MROH9: variants seen among roughly 807,000 people sequenced by gnomAD.
MROH9 encodes maestro heat like repeat family member 9, also known as maestro heat-like repeat-containing protein family member 9.
Under a neutral mutation model 98.2 loss-of-function variants are expected in MROH9, and 92 were observed. The ratio of observed to expected loss-of-function variants is 0.94; its 90% CI spans 0.79 to 1.11. MROH9 has a LOEUF of 1.11. Ranked by LOEUF, MROH9 falls within the 50% of genes most tolerant of loss-of-function variation. MROH9 has a pLI of 0.00. For missense variants in MROH9, 1,057 were observed against 1,014.8 expected, an observed-to-expected ratio of 1.04 and a Z score of -0.57; for synonymous variants, 397 against 368.9, an observed-to-expected ratio of 1.08 and a Z score of -0.87.
chr1:171,009,043 T>C (rs1652059743), intron 15 of MROH9, among the ~76,000 whole-genome samples: 1 of 149,916 alleles, frequency 6.7e-6, no homozygotes, highest in Non-Finnish European at 1.5e-5. Context: ...GATTTTAAAA[T>C]ATAAGGATTT....
In MROH9 at chr1:171,034,913, A is replaced by G. The variant is rs1169445997; in HGVS notation, c.2281+9493A>G. Among the ~76,000 whole-genome samples, 4 of 152,214 alleles carry G rather than the reference A, an allele frequency of 2.6e-5. No homozygotes were observed. The South Asian group carries it at 6.2e-4, about 24-fold the overall frequency. On this transcript the variant is annotated intron_variant, in intron 20 of 21. Transcript: ENST00000367759. ...AGATCCACACATATACCTAATATATATCAGAACTGGCAGTGTATATCAGAC... is the reference window on the plus strand; with the variant it reads ...AGATCCACACATATACCTAATATATGTCAGAACTGGCAGTGTATATCAGAC...
At chr1:170,957,223 G>A (rs573204741) in intron 3 of MROH9, among the ~76,000 whole-genome samples, 4 of 151,642 alleles carry the variant, frequency 2.6e-5, no homozygotes, top group East Asian at 1.9e-4. Flanking sequence ...TGCTTTTTAC[G>A]TCATATCCAA....
intron 11 of MROH9, among the ~76,000 whole-genome samples, chr1:170,991,708 TTTA>T (rs1297025933): frequency 1.1e-4 from 17 of 152,136 alleles, no homozygotes; most frequent in Non-Finnish European, 2.1e-4. Context: ...TGTTTTTATT[TTTA>T]TTATTTAATT....
intron 10 of MROH9, among the ~76,000 whole-genome samples, chr1:170,989,489 A>T (rs567580174): frequency 6.6e-6 from 1 of 152,318 alleles, no homozygotes; most frequent in Admixed American, 6.5e-5. Context: ...TGAAGTATAC[A>T]CTGTAGCTCC....
chr1:170,976,750 T>C (rs868713035), intron 8 of MROH9, among the ~76,000 whole-genome samples: 1 of 152,182 alleles, frequency 6.6e-6, no homozygotes. Context: ...AGAGGTTGTC[T>C]GTATTTCCTG....
chr1:171,063,704 C>A (rs1166002804), intron 21 of MROH9, among the ~76,000 whole-genome samples: 1 of 152,128 alleles, frequency 6.6e-6, no homozygotes, highest in Non-Finnish European at 1.5e-5. Flanking sequence ...TGTAGCATTT[C>A]ATTTTATGTT....
At chr1:171,055,340 G>A (rs1653801419) in intron 20 of MROH9, among the ~76,000 whole-genome samples, 1 of 152,038 alleles carries the variant, frequency 6.6e-6, no homozygotes, top group African/African-American at 2.4e-5. Context: ...ATGATACAAT[G>A]GGCCAGGTGC....
intron 6 of MROH9, among the ~76,000 whole-genome samples, chr1:170,963,019 G>A (rs370806160): frequency 6.3e-4 from 95 of 151,760 alleles, no homozygotes; most frequent in Non-Finnish European, 1.1e-3. Context: ...TCTGCCCAGC[G>A]AAAGAAACTA....
chr1:171,055,628 A>G lies in MROH9; in HGVS notation c.2282-6504A>G, dbSNP rs986529135. On this transcript the variant is annotated intron_variant, in intron 20 of 21. Coordinates refer to ENST00000367759, the MANE Select transcript of MROH9 (RefSeq NM_001163629.2). ...CAGTGTGAGACTTCATAAAAAAAAA[A>G]AAAAAAAAAAAAAGATACAGTGGAC... Among the ~76,000 whole-genome samples the G allele has an allele frequency of 5.4e-3, 812 of 151,500 alleles. 9 individuals carry two copies. Among genetic ancestry groups the G allele is most frequent in the African/African-American group, 0.019 (768 of 41,232 alleles).
Position 171,024,301 on chromosome 1 carries a change from GGGGTGTGTGTGT to G in MROH9, c.1909-92_1909-81del, listed in dbSNP as rs925018098. On this transcript the variant is annotated intron_variant, in intron 17 of 21. Transcript: ENST00000367759. ...ATATACATATATAGTATATTTATAT[GGGGTGTGTGTGT>G]GTGTGTGTGTGTGTGTGTAGATTAC... 3.6e-5 allele frequency: 26 copies of G among 718,660 alleles called. No homozygotes were observed. The African/African-American group carries it at 8.5e-4, about 24-fold the overall frequency. 44.5% of individuals were successfully genotyped at this position (718,660 alleles called of 1,614,324 possible).
chr1:171,009,050 A>AT (rs1423457487), intron 15 of MROH9, among the ~76,000 whole-genome samples: 4 of 150,240 alleles, frequency 2.7e-5, no homozygotes, highest in African/African-American at 9.7e-5. Context: ...AAATATAAGG[A>AT]TTTTTAAATA....
In MROH9 at chr1:170,993,111, C is replaced by T. The variant is rs375134419; in HGVS notation, c.1194+782C>T. ...CCTGAATATCGAAATTCCAAAATAT[C>T]AAAATCCCAAAAGTCTAAAATTTCT... On this transcript the variant is annotated intron_variant, in intron 12 of 21. Coordinates refer to ENST00000367759, the MANE Select transcript of MROH9 (RefSeq NM_001163629.2). 2.8e-4 allele frequency among the ~76,000 whole-genome samples: 42 copies of T among 152,236 alleles called. No homozygotes were observed. The South Asian group carries it at 8.1e-3, about 29-fold the overall frequency.
chr1:170,950,565 A>G (rs1045775600), intron 3 of MROH9, among the ~76,000 whole-genome samples: 1 of 152,128 alleles, frequency 6.6e-6, no homozygotes, highest in Non-Finnish European at 1.5e-5. Context: ...ACAGGAAAGC[A>G]GTAACAACTG....
chr1:171,005,499 G>A (rs540106800), intron 15 of MROH9, among the ~76,000 whole-genome samples: 1 of 152,144 alleles, frequency 6.6e-6, no homozygotes, highest in Admixed American at 6.6e-5. Flanking sequence ...TAACGTTGTT[G>A]GTTAAATATA....
chr1:170,994,789 A>G (rs1053019799), intron 12 of MROH9, among the ~76,000 whole-genome samples: 2 of 152,134 alleles, frequency 1.3e-5, no homozygotes, highest in Non-Finnish European at 2.9e-5. Flanking sequence ...CTCATTTTTA[A>G]GAATGTAAAC....
intron 15 of MROH9, among the ~76,000 whole-genome samples, chr1:171,006,853 T>G (rs1373548215): frequency 2.0e-5 from 3 of 151,854 alleles, no homozygotes; most frequent in Non-Finnish European, 4.4e-5. Context: ...TCTTTCTGGT[T>G]CATGCATTGC....
At chr1:170,944,597 A>C (rs913829866) in intron 1 of MROH9, among the ~76,000 whole-genome samples, 15 of 151,554 alleles carry the variant, frequency 9.9e-5, no homozygotes, top group Non-Finnish European at 1.6e-4. Context: ...ATACCAAAAA[A>C]GTGTAAACAA....
At chr1:170,961,329 G>A (rs1178248380) in intron 5 of MROH9, among the ~76,000 whole-genome samples, 1 of 152,128 alleles carries the variant, frequency 6.6e-6, no homozygotes. Context: ...TTTTCTAAAT[G>A]TTCACCATTA....
chr1:170,965,179 G>A lies in MROH9; in HGVS notation c.404G>A (p.Ser135Asn). Residue 135 changes from serine to asparagine, a missense_variant, in exon 7 of 22, where the codon AGC becomes AAC. By Grantham distance (46) the Ser-to-Asn change is conservative. Transcript: ENST00000367759. ...KEMLVWMSKD[S>N]SYLQERIMVI... is the part of the protein sequence containing the mutation. ...ATGCTCGTGTGGATGAGTAAAGATA[G>A]CTCATATCTGCAAGAGAGAATAATG... The A allele has an allele frequency of 6.2e-7, 1 of 1,610,868 alleles. No homozygotes were observed. The highest frequency in any genetic ancestry group is 8.5e-7 in the Non-Finnish European group (1 of 1,177,720).
Sources: allele counts gnomAD v4.1 joint callset (sites outside exome capture counted in the v4.1 genomes callset), GRCh38; gene constraint gnomAD v4.1.1; transcripts MANE v1.5; gene names NCBI Gene and HGNC (gene_info 2026-07-23, HGNC 2026-07-21).